NECAB1: variants seen among roughly 807,000 people sequenced by gnomAD.
NECAB1 encodes N-terminal EF-hand calcium-binding protein 1.
Under a neutral mutation model 57.5 loss-of-function variants are expected in NECAB1, and 29 were observed. The ratio of observed to expected loss-of-function variants is 0.50; its 90% CI spans 0.38 to 0.69. The LOEUF (loss-of-function observed/expected upper bound fraction) is 0.69. Among genes scored for constraint, NECAB1 ranks in the 30% least tolerant of loss-of-function variants. The pLI is 0.00. For missense variants in NECAB1, 372 were observed against 413.8 expected, an observed-to-expected ratio of 0.90 and a Z score of 0.88; for synonymous variants, 142 against 147.7, an observed-to-expected ratio of 0.96 and a Z score of 0.28.
intron 5 of NECAB1, among the ~76,000 whole-genome samples, chr8:90,896,100 A>G (rs1487291773): frequency 6.6e-6 from 1 of 152,120 alleles, no homozygotes; most frequent in African/African-American, 2.4e-5. Context: ...GTGTCATACC[A>G]TGCATCCGTA....
intron 6 of NECAB1, among the ~76,000 whole-genome samples, chr8:90,920,241 CCT>C (rs1020737347): frequency 6.6e-6 from 1 of 152,084 alleles, no homozygotes; most frequent in Non-Finnish European, 1.5e-5. Context: ...TGATATTCCC[CCT>C]GAGAGGTTTA....
intron 5 of NECAB1, among the ~76,000 whole-genome samples, chr8:90,905,012 C>G (rs1483022223): frequency 6.6e-6 from 1 of 152,068 alleles, no homozygotes; most frequent in African/African-American, 2.4e-5. Flanking sequence ...AGAAGGATTT[C>G]TTAAACAAGA....
At chr8:90,821,843 T>C (rs983248208) in intron 2 of NECAB1, among the ~76,000 whole-genome samples, 3 of 151,744 alleles carry the variant, frequency 2.0e-5, no homozygotes, top group Admixed American at 6.6e-5. Flanking sequence ...TGATAAACAT[T>C]TGATGAAAGA....
At chr8:90,866,957 G>A (rs937833570) in intron 3 of NECAB1, among the ~76,000 whole-genome samples, 3 of 152,174 alleles carry the variant, frequency 2.0e-5, no homozygotes, top group Non-Finnish European at 4.4e-5. Context: ...GCACATGTAT[G>A]TTTATTGCAA....
At chr8:90,801,182 A>G (rs1236635220) in intron 1 of NECAB1, among the ~76,000 whole-genome samples, 1 of 152,142 alleles carries the variant, frequency 6.6e-6, no homozygotes. Flanking sequence ...CATATATGAA[A>G]CCATTACCAC....
chr8:90,934,304 G>A lies in NECAB1; in HGVS notation c.694G>A (p.Asp232Asn), dbSNP rs556182182. The change falls in exon 9 of 13, where the codon GAT becomes AAT. Residue 232 changes from aspartate (D) to asparagine (N), a missense_variant and splice_region_variant. By Grantham distance (23) the Asp-to-Asn change is conservative. Coordinates refer to ENST00000417640, the MANE Select transcript of NECAB1 (RefSeq NM_022351.5). ...QKLIDRLEKK[D>N]LKLEPPEEEI... ...CTGCCATTTCTTCCTCTTATTGAAGGATCTCAAACTCGAACCACCAGAAGA... is the reference window on the plus strand; with the variant it reads ...CTGCCATTTCTTCCTCTTATTGAAGAATCTCAAACTCGAACCACCAGAAGA... 4 of 1,512,246 alleles carry A rather than the reference G, an allele frequency of 2.6e-6. No individual in the cohort carries two copies. In the East Asian group the frequency reaches 7.6e-5, roughly 29 times the overall value. The allele number at this position is 1,512,246 out of a possible 1,614,324, so 93.7% of individuals were successfully genotyped here. A position where few individuals can be genotyped will look rare whatever the true frequency, so the allele number is the denominator to read the frequency against.
intron 5 of NECAB1, among the ~76,000 whole-genome samples, chr8:90,893,848 C>T (rs1231780103): frequency 9.8e-6 from 1 of 102,288 alleles, no homozygotes; most frequent in Non-Finnish European, 1.7e-5. Flanking sequence ...GTAAAGAATG[C>T]TATTTTTTTT....
chr8:90,903,531 A>G (rs1809560688), intron 5 of NECAB1, among the ~76,000 whole-genome samples: 1 of 152,174 alleles, frequency 6.6e-6, no homozygotes, highest in African/African-American at 2.4e-5. Context: ...TTACTTACTC[A>G]TGAACAAAAA....
intron 2 of NECAB1, among the ~76,000 whole-genome samples, chr8:90,808,374 G>C (rs191521190): frequency 6.6e-6 from 1 of 152,234 alleles, no homozygotes; most frequent in Admixed American, 6.5e-5. Context: ...CTAGATCCCA[G>C]AGATATGTAG....
chr8:90,924,420 A>G (rs1000911857), intron 6 of NECAB1, among the ~76,000 whole-genome samples: 18 of 152,176 alleles, frequency 1.2e-4, no homozygotes, highest in Non-Finnish European at 2.5e-4. Context: ...GAGAAAGGCT[A>G]AAGGAATCTT....
At chr8:90,843,709 T>C (rs1413124773) in intron 3 of NECAB1, among the ~76,000 whole-genome samples, 1 of 152,244 alleles carries the variant, frequency 6.6e-6, no homozygotes. Context: ...GGCTAGAAAC[T>C]GTGCAAATGC....
At chr8:90,929,348 A>G (rs1444844440) in intron 8 of NECAB1, among the ~76,000 whole-genome samples, 1 of 152,206 alleles carries the variant, frequency 6.6e-6, no homozygotes, top group Admixed American at 6.5e-5. Context: ...TGCAAACAAT[A>G]GAAATCATTT....
chr8:90,862,371 T>C (rs1431509983), intron 3 of NECAB1, among the ~76,000 whole-genome samples: 1 of 152,124 alleles, frequency 6.6e-6, no homozygotes, highest in Non-Finnish European at 1.5e-5. Context: ...GAGATACCTT[T>C]TTACCTTTTG....
intron 12 of NECAB1, among the ~76,000 whole-genome samples, chr8:90,952,208 C>T (rs4606021): frequency 6.7e-6 from 1 of 149,966 alleles, no homozygotes; most frequent in Non-Finnish European, 1.5e-5. Context: ...GGGCAATAAT[C>T]TAGGCCAGGG....
chr8:90,805,031 G>A (rs1486423709), intron 2 of NECAB1, among the ~76,000 whole-genome samples: 1 of 152,188 alleles, frequency 6.6e-6, no homozygotes, highest in African/African-American at 2.4e-5. Context: ...CTTCTGTGAT[G>A]ACTTGGCTAT....
At chr8:90,829,227 A>T (rs1176801529) in intron 3 of NECAB1, among the ~76,000 whole-genome samples, 2 of 152,086 alleles carry the variant, frequency 1.3e-5, no homozygotes, top group Non-Finnish European at 2.9e-5. Context: ...ATAGCTTGGT[A>T]GCTTACAAAT....
At chr8:90,835,118 G>T (rs193200865) in intron 3 of NECAB1, among the ~76,000 whole-genome samples, 3 of 151,898 alleles carry the variant, frequency 2.0e-5, no homozygotes, top group Non-Finnish European at 4.4e-5. Flanking sequence ...ATTTATTAGG[G>T]TGTTTATTTG....
At chr8:90,912,124 T>A (rs1009421434) in intron 5 of NECAB1, among the ~76,000 whole-genome samples, 2 of 152,202 alleles carry the variant, frequency 1.3e-5, no homozygotes, top group Non-Finnish European at 2.9e-5. Context: ...ATCTAGTAGT[T>A]AATCTCAGAT....
In NECAB1 at chr8:90,838,674, A is replaced by G. The variant is rs1204402329; in HGVS notation, c.233+13849A>G. On this transcript the variant is annotated intron_variant, in intron 3 of 12. Coordinates refer to ENST00000417640, the MANE Select transcript of NECAB1 (RefSeq NM_022351.5). ...GAAAACTCACATAGACGTGGAGAGA[A>G]CATACAAACTCCACACAAACAGTGG... Among the ~76,000 whole-genome samples the G allele has an allele frequency of 2.0e-5, 3 of 152,220 alleles. No individual in the cohort carries two copies. In the East Asian group the frequency reaches 5.8e-4, roughly 29 times the overall value.
Sources: allele counts gnomAD v4.1 joint callset (sites outside exome capture counted in the v4.1 genomes callset), GRCh38; gene constraint gnomAD v4.1.1; transcripts MANE v1.5; gene names NCBI Gene and HGNC (gene_info 2026-07-23, HGNC 2026-07-21).